RP1: variants seen among roughly 807,000 people sequenced by gnomAD.
RP1 encodes oxygen-regulated protein 1.
Under a neutral mutation model 14.8 loss-of-function variants are expected in RP1, and 16 were observed. The observed-to-expected ratio is 1.08, with a 90% confidence interval of 0.73 to 1.65. RP1 has a LOEUF of 1.65. Among genes scored for constraint, RP1 ranks in the 40% most tolerant of loss-of-function variants. The pLI is 0.00. For missense variants in RP1, 2,631 were observed against 2,535.0 expected (o/e 1.04, Z -0.81); for synonymous variants, 876 against 883.6 (o/e 0.99, Z 0.15).
rs530561483 is a variant in RP1, at chr8:54,585,044, G to T, written c.-13+25724G>T. ...ATGTGTGAATTTGATCCTGTCATTA[G>T]GATGTTAGCTGGTTATTTTGCTCGT... On this transcript the variant is annotated intron_variant, in intron 1 of 22. Transcript: ENST00000636932. Among the ~76,000 whole-genome samples the T allele has an allele frequency of 2.7e-4, 41 of 152,220 alleles. 1 individual carries two copies. In the South Asian group the frequency reaches 6.6e-3, roughly 25 times the overall value.
chr8:54,728,949 T>G (rs188692014), intron 17 of RP1, among the ~76,000 whole-genome samples: 116 of 152,178 alleles, frequency 7.6e-4, no homozygotes, highest in Non-Finnish European at 1.5e-3. Context: ...TGCCCTACAA[T>G]GTCCTCATTT....
At chr8:54,843,956 T>A (rs1811852746) in intron 25 of RP1, among the ~76,000 whole-genome samples, 1 of 152,192 alleles carries the variant, frequency 6.6e-6, no homozygotes, top group African/African-American at 2.4e-5. Context: ...TTTTTCTGAT[T>A]AGGAAAGGTT....
chr8:54,779,715 A>G (rs1394558606), intron 23 of RP1, among the ~76,000 whole-genome samples: 1 of 152,218 alleles, frequency 6.6e-6, no homozygotes, highest in Non-Finnish European at 1.5e-5. Flanking sequence ...ATTGGGAAGG[A>G]AACAGTTAAT....
chr8:54,754,991 C>A, intron 20 of RP1: 1 of 1,394,192 alleles, frequency 7.2e-7, no homozygotes, highest in South Asian at 1.7e-5. Context: ...TTGGTAGTTG[C>A]TTAAATTTGC....
chr8:54,850,948 C>T (rs1247014031), intron 25 of RP1, among the ~76,000 whole-genome samples: 2 of 152,114 alleles, frequency 1.3e-5, no homozygotes, highest in Non-Finnish European at 1.5e-5. Flanking sequence ...CTTTTTGACT[C>T]GGTTTGAGAA....
At chr8:54,649,006 T>C (rs1164713659) in exon 4 of RP1, 5 of 1,512,376 alleles carry the variant, frequency 3.3e-6, no homozygotes, top group Non-Finnish European at 4.4e-6. Flanking sequence ...AAAGTTTTTA[T>C]AATCACCAGT....
At chr8:54,699,440 T>G (rs1182397849) in intron 12 of RP1, 13 of 1,233,060 alleles carry the variant, frequency 1.1e-5, no homozygotes, top group Non-Finnish European at 1.3e-5. Context: ...CAAACTTGCT[T>G]TCTAATACTT....
chr8:54,688,653 C>T (rs201639593), intron 12 of RP1, among the ~76,000 whole-genome samples: 1 of 151,692 alleles, frequency 6.6e-6, no homozygotes, highest in Non-Finnish European at 1.5e-5. Flanking sequence ...GAGGCCTCTG[C>T]TCTGTTCCAC....
At chr8:54,735,589 T>A (rs540701036) in intron 18 of RP1, among the ~76,000 whole-genome samples, 1 of 152,186 alleles carries the variant, frequency 6.6e-6, no homozygotes, top group East Asian at 1.9e-4. Flanking sequence ...TCACTAATAC[T>A]CAAATGGTTT....
intron 22 of RP1, among the ~76,000 whole-genome samples, chr8:54,766,580 T>C (rs1487380946): frequency 2.0e-5 from 3 of 152,178 alleles, no homozygotes; most frequent in African/African-American, 2.4e-5. Context: ...TCTTCAAATA[T>C]TTCTTCTGCC....
chr8:54,699,430 C>T, intron 12 of RP1: 4 of 1,136,440 alleles, frequency 3.5e-6, no homozygotes, highest in Non-Finnish European at 4.6e-6. Context: ...TTTTAAAAGC[C>T]AAACTTGCTT....
chr8:54,686,571 AG>A (rs2129337696), intron 12 of RP1, among the ~76,000 whole-genome samples: 1 of 152,294 alleles, frequency 6.6e-6, no homozygotes, highest in African/African-American at 2.4e-5. Context: ...GAAATGGCAC[AG>A]GGAACTTCAT....
intron 23 of RP1, chr8:54,780,884 G>A (rs1810169872): frequency 1.0e-6 from 1 of 980,594 alleles, no homozygotes; most frequent in African/African-American, 1.8e-5. Context: ...TATACTGATT[G>A]CACGTGGTTG....
intron 25 of RP1, chr8:54,837,806 C>T (rs1811698752): frequency 2.3e-6 from 1 of 435,534 alleles, no homozygotes; most frequent in East Asian, 3.5e-5. Flanking sequence ...AAAGTCTCTG[C>T]CAAAACTGCT....
rs552189950 is a variant in RP1, at chr8:54,618,840, T to C, written c.-12-2115T>C. ...CATGCCTGGCTAATTTTTGTATTTT[T>C]AGTAGAGATGAGATTTCACCATGTT... On this transcript the variant is annotated intron_variant, in intron 1 of 3. Coordinates refer to ENST00000220676, the MANE Select transcript of RP1 (RefSeq NM_006269.2). Among the ~76,000 whole-genome samples, 16 of 152,282 alleles carry C rather than the reference T, an allele frequency of 1.1e-4. No individual in the cohort carries two copies. In the South Asian group the frequency reaches 2.1e-3, roughly 20 times the overall value.
chr8:54,861,685 C>T lies in RP1; in HGVS notation c.4070-4150C>T, dbSNP rs543204427. ...TGGTGTGATCTTGGCTTACTGCAAC[C>T]TCCATCTCCTGGGTTCAAGCAATGC... On this transcript the variant is annotated intron_variant, in intron 27 of 28. Transcript: ENST00000637698. Among the ~76,000 whole-genome samples, 6 of 152,242 alleles carry T rather than the reference C, an allele frequency of 3.9e-5. No homozygotes were observed. In the South Asian group the frequency reaches 1.0e-3, roughly 26 times the overall value.
intron 1 of RP1, 74 bp from the exon 2 acceptor site, chr8:54,620,881 T>C: frequency 7.5e-7 from 1 of 1,329,412 alleles, no homozygotes; most frequent in Non-Finnish European, 1.1e-6. Flanking sequence ...TGCAGCTATA[T>C]TTAGCATGCA....
intron 26 of RP1, among the ~76,000 whole-genome samples, chr8:54,854,681 A>G (rs1317770774): frequency 6.6e-6 from 1 of 152,118 alleles, no homozygotes; most frequent in Non-Finnish European, 1.5e-5. Flanking sequence ...CCTGGCCAAC[A>G]TGGTGAAATC....
intron 27 of RP1, among the ~76,000 whole-genome samples, chr8:54,857,898 C>G (rs755841074): frequency 6.6e-5 from 10 of 152,178 alleles, no homozygotes; most frequent in African/African-American, 4.8e-5. Flanking sequence ...TAAATTCAAA[C>G]TTCAGTTCTA....
Sources: gnomAD v4.1 joint callset for allele counts (sites outside exome capture counted in the v4.1 genomes callset) on GRCh38, gnomAD v4.1.1 for gene constraint, MANE v1.5 for transcripts, NCBI Gene and HGNC (gene_info 2026-07-23, HGNC 2026-07-21) for gene names.